The following ZNF292 variants were observed in gnomAD, a reference collection of about 807,000 sequenced individuals.
ZNF292 encodes zinc finger protein 292.
ZNF292 carries 26 observed loss-of-function variants against 217.9 expected under a neutral mutation model. The ratio of observed to expected loss-of-function variants is 0.12; its 90% CI spans 0.09 to 0.17. The LOEUF (loss-of-function observed/expected upper bound fraction) is 0.17, where lower values mean the gene tolerates loss of function less well. ZNF292 is among the 10% of genes least tolerant of loss of function. ZNF292 has a pLI of 1.00. For synonymous variants in ZNF292, 1,257 were observed against 1,124.1 expected, an observed-to-expected ratio of 1.12 and a Z score of -2.37; for missense variants, 2,904 against 3,175.2, an observed-to-expected ratio of 0.91 and a Z score of 2.05.
intron 1 of ZNF292, among the ~76,000 whole-genome samples, chr6:87,210,974 C>G (rs1772456612): frequency 1.3e-5 from 2 of 152,170 alleles, no homozygotes; most frequent in Admixed American, 6.6e-5. Context: ...AAATATATGA[C>G]TTCTAAATAT....
intron 1 of ZNF292, among the ~76,000 whole-genome samples, chr6:87,169,502 A>G (rs990867370): frequency 8.5e-5 from 13 of 152,344 alleles, no homozygotes; most frequent in Admixed American, 7.2e-4. Context: ...GCTATTTCAT[A>G]TAAATAATTT....
At chr6:87,173,208 C>CCA (rs71554707) in intron 1 of ZNF292, among the ~76,000 whole-genome samples, 1 of 150,972 alleles carries the variant, frequency 6.6e-6, no homozygotes, top group Admixed American at 6.6e-5. Flanking sequence ...AATTTTGGCA[C>CCA]AAAAAAAAAT....
chr6:87,230,224 C>CA (rs1773578079), intron 4 of ZNF292, among the ~76,000 whole-genome samples: 1 of 151,982 alleles, frequency 6.6e-6, no homozygotes, highest in Admixed American at 6.6e-5. Flanking sequence ...AACAGCTAGT[C>CA]AAAGATGCTG....
At chr6:87,216,469 TCTC>T in intron 3 of ZNF292, 92 bp downstream of exon 3, 1 of 882,074 alleles carries the variant, frequency 1.1e-6, no homozygotes, top group Non-Finnish European at 1.8e-6. Context: ...CTTTAAGACA[TCTC>T]AATAATGACA....
chr6:87,170,574 G>A (rs918631206), intron 1 of ZNF292, among the ~76,000 whole-genome samples: 1 of 152,110 alleles, frequency 6.6e-6, no homozygotes, highest in African/African-American at 2.4e-5. Flanking sequence ...TCTGCCTAAG[G>A]AGAAATTATT....
At chr6:87,217,201 T>C (rs376684060) in intron 3 of ZNF292, among the ~76,000 whole-genome samples, 16 of 152,066 alleles carry the variant, frequency 1.1e-4, no homozygotes, top group African/African-American at 3.6e-4. Flanking sequence ...CCTTAAACTT[T>C]AGAAGCATGT....
intron 7 of ZNF292, among the ~76,000 whole-genome samples, chr6:87,249,128 T>C (rs1774759722): frequency 6.6e-6 from 1 of 152,140 alleles, no homozygotes; most frequent in Non-Finnish European, 1.5e-5. Context: ...TTGTTGCTTT[T>C]GTTGGTTCAT....
chr6:87,183,866 G>A (rs1771548882), intron 1 of ZNF292, among the ~76,000 whole-genome samples: 1 of 152,216 alleles, frequency 6.6e-6, no homozygotes, highest in Non-Finnish European at 1.5e-5. Context: ...CAAATACCAT[G>A]ATGGACAACT....
chr6:87,186,038 C>G (rs1771640960), intron 1 of ZNF292, among the ~76,000 whole-genome samples: 1 of 152,140 alleles, frequency 6.6e-6, no homozygotes, highest in African/African-American at 2.4e-5. Context: ...CATTGGTGAT[C>G]AACTTAGTCT....
chr6:87,241,144 C>T (rs943383401), intron 5 of ZNF292, among the ~76,000 whole-genome samples: 4 of 152,176 alleles, frequency 2.6e-5, no homozygotes, highest in East Asian at 1.9e-4. Flanking sequence ...ATTAGCTGGG[C>T]GTGGTGGCAC....
chr6:87,247,715 G>C (rs1297194440), intron 7 of ZNF292, among the ~76,000 whole-genome samples: 1 of 152,086 alleles, frequency 6.6e-6, no homozygotes, highest in Non-Finnish European at 1.5e-5. Context: ...TGACCTGAGT[G>C]ATTTTCAGCA....
At chr6:87,194,992 C>T (rs886395177) in intron 1 of ZNF292, among the ~76,000 whole-genome samples, 2 of 150,612 alleles carry the variant, frequency 1.3e-5, no homozygotes, top group Non-Finnish European at 3.0e-5. Flanking sequence ...ATCACCATTC[C>T]CAGTAAAAAC....
chr6:87,188,064 TG>T lies in ZNF292; in HGVS notation c.169-27834del, dbSNP rs1220578335. Among the ~76,000 whole-genome samples the T allele has an allele frequency of 1.8e-4, 27 of 152,208 alleles. 1 individual carries two copies. The highest frequency in any genetic ancestry group is 1.7e-3 in the Admixed American group (26 of 15,276). On this transcript the variant is annotated intron_variant, in intron 1 of 7. Coordinates refer to ENST00000369577, the MANE Select transcript of ZNF292 (RefSeq NM_015021.3). ...ATATTGGCAATTAATTCAAAATATC[TG>T]GGGGAAAAGACCCTAAAAGACTGTA...
At position 87,263,294 on chromosome 6, in the gene ZNF292, T is replaced by A. The variant is rs1775696512; in HGVS notation, c.*1493T>A. On this transcript the variant is annotated 3_prime_UTR_variant, in exon 8 of 8. Transcript: ENST00000369577. ...TTTTGTTTCTGTTTGCCGTAAATAG[T>A]AACATTGTTTTTTTTTATTTTGTGT... 1.3e-5 allele frequency: 2 copies of A among 152,022 alleles called. No individual in the cohort carries two copies. The highest frequency in any genetic ancestry group is 1.3e-4 in the Admixed American group (2 of 15,268). 9.4% of individuals were successfully genotyped at this position (152,022 alleles called of 1,614,324 possible).
At chr6:87,235,290 T>C (rs1773847947) in intron 5 of ZNF292, among the ~76,000 whole-genome samples, 1 of 152,176 alleles carries the variant, frequency 6.6e-6, no homozygotes, top group African/African-American at 2.4e-5. Context: ...TTCTCAGATA[T>C]TTTTCAGTGC....
chr6:87,198,072 T>G (rs1331850137), intron 1 of ZNF292, among the ~76,000 whole-genome samples: 2 of 152,168 alleles, frequency 1.3e-5, no homozygotes, highest in Non-Finnish European at 2.9e-5. Flanking sequence ...TTCTATAAAT[T>G]TGATAAGTTG....
At chr6:87,221,059 C>A (rs3904088) in intron 4 of ZNF292, among the ~76,000 whole-genome samples, 96,240 of 151,942 alleles carry the variant, frequency 0.63, 32,119 homozygotes, top group African/African-American at 0.85. Flanking sequence ...TGAACAGTGA[C>A]TAATCTGATT....
chr6:87,167,967 T>C (rs1770971147), intron 1 of ZNF292, among the ~76,000 whole-genome samples: 1 of 152,228 alleles, frequency 6.6e-6, no homozygotes, highest in East Asian at 1.9e-4. Context: ...TGAAGGCACC[T>C]ATCCTCACTC....
chr6:87,238,735 A>C (rs993975711), intron 5 of ZNF292, among the ~76,000 whole-genome samples: 2 of 147,828 alleles, frequency 1.4e-5, no homozygotes, highest in Non-Finnish European at 3.0e-5. Flanking sequence ...GCAGAGGGGC[A>C]TTTGGCAGGG....
Sources: allele counts gnomAD v4.1 joint callset (sites outside exome capture counted in the v4.1 genomes callset), GRCh38; gene constraint gnomAD v4.1.1; transcripts MANE v1.5; gene names NCBI Gene and HGNC (gene_info 2026-07-23, HGNC 2026-07-21).